The following PKNOX2 variants were observed in gnomAD, a reference collection of about 807,000 sequenced individuals.
The protein encoded by PKNOX2 is PBX/knotted 1 homeobox 2, also known as homeobox protein PKNOX2.
A neutral mutation model predicts 53.1 loss-of-function variants in PKNOX2; 14 were observed. The observed-to-expected ratio is 0.26, with a 90% CI of 0.17 to 0.41. The LOEUF (loss-of-function observed/expected upper bound fraction) is 0.41. Ranked by LOEUF, PKNOX2 falls within the 10% of genes least tolerant of loss-of-function variation. PKNOX2 has a pLI of 1.00. For missense variants in PKNOX2, 496 were observed against 602.8 expected, an observed-to-expected ratio of 0.82 and a Z score of 1.85; for synonymous variants, 257 against 242.8, an observed-to-expected ratio of 1.06 and a Z score of -0.54.
At chr11:125,193,146 ATTGGCTCTTTTCC>A (rs1418982944) in intron 1 of PKNOX2, among the ~76,000 whole-genome samples, 2 of 152,336 alleles carry the variant, frequency 1.3e-5, no homozygotes, top group East Asian at 1.9e-4. Context: ...AAGCTCTTAA[ATTGGCTCTTTTCC>A]CCCTCAAAAC....
At chr11:125,179,212 A>G (rs199799731) in intron 1 of PKNOX2, among the ~76,000 whole-genome samples, 1 of 152,160 alleles carries the variant, frequency 6.6e-6, no homozygotes, top group East Asian at 1.9e-4. Context: ...TGCCAGGGAT[A>G]TATAGGTGAG....
At chr11:125,216,506 C>T (rs555688669) in intron 1 of PKNOX2, among the ~76,000 whole-genome samples, 1 of 152,296 alleles carries the variant, frequency 6.6e-6, no homozygotes, top group East Asian at 1.9e-4. Context: ...GGCTGAGAAC[C>T]CAGCCTGCCC....
At chr11:125,405,690 C>T (rs1300389017) in intron 7 of PKNOX2, among the ~76,000 whole-genome samples, 6 of 152,166 alleles carry the variant, frequency 3.9e-5, no homozygotes, top group South Asian at 4.1e-4. Context: ...GGATGGTGCT[C>T]GGGAGGCACC....
intron 2 of PKNOX2, among the ~76,000 whole-genome samples, chr11:125,316,156 T>C (rs1488175679): frequency 1.3e-5 from 2 of 152,168 alleles, no homozygotes; most frequent in Non-Finnish European, 2.9e-5. Context: ...TGAGACCCAC[T>C]GTGAACCCCT....
intron 2 of PKNOX2, among the ~76,000 whole-genome samples, chr11:125,280,103 T>C (rs1194383388): frequency 2.9e-5 from 3 of 102,378 alleles, no homozygotes; most frequent in African/African-American, 2.1e-4. Flanking sequence ...TTTTTTTTCC[T>C]TTTTTTTTTT....
intron 1 of PKNOX2, chr11:125,191,044 G>A (rs1408650360): frequency 1.3e-5 from 2 of 152,144 alleles, no homozygotes; most frequent in Non-Finnish European, 2.9e-5. Flanking sequence ...ATTCCTTATG[G>A]CACCAAGTGC....
intron 4 of PKNOX2, among the ~76,000 whole-genome samples, chr11:125,361,989 C>T (rs1195694630): frequency 6.6e-6 from 1 of 152,196 alleles, no homozygotes; most frequent in Non-Finnish European, 1.5e-5. Flanking sequence ...ATGGGTTCCA[C>T]ATGGGAGAAC....
chr11:125,414,760 G>A (rs1404428001), intron 10 of PKNOX2, among the ~76,000 whole-genome samples: 1 of 145,176 alleles, frequency 6.9e-6, no homozygotes, highest in Admixed American at 6.8e-5. Context: ...AAAAAAAAAA[G>A]AAGCTAATAC....
At chr11:125,332,159 A>G (rs1321992369) in intron 3 of PKNOX2, among the ~76,000 whole-genome samples, 3 of 152,108 alleles carry the variant, frequency 2.0e-5, no homozygotes, top group African/African-American at 7.2e-5. Context: ...TGAACAATAA[A>G]TGGTTCTGTG....
At chr11:125,191,264 C>A (rs1375418988) in intron 1 of PKNOX2, 1 of 152,232 alleles carries the variant, frequency 6.6e-6, no homozygotes. Context: ...AAGAACAGAT[C>A]TTTTCATTCT....
chr11:125,409,669 C>T (rs562970456), intron 7 of PKNOX2, among the ~76,000 whole-genome samples: 38 of 152,098 alleles, frequency 2.5e-4, no homozygotes, highest in African/African-American at 9.2e-4. Context: ...AGCCGGGGGA[C>T]GGGAAAGCAT....
intron 1 of PKNOX2, among the ~76,000 whole-genome samples, chr11:125,187,570 G>T (rs912280039): frequency 3.9e-5 from 6 of 152,058 alleles, no homozygotes; most frequent in African/African-American, 1.4e-4. Flanking sequence ...TAACTTTCTT[G>T]TGGATTCTTT....
chr11:125,385,763 A>C (rs2135381044), intron 6 of PKNOX2, 41 bp downstream of exon 6: 1 of 1,571,002 alleles, frequency 6.4e-7, no homozygotes, highest in Non-Finnish European at 8.6e-7. Context: ...GAGTCTTCCT[A>C]CCCTCTGACC....
chr11:125,264,244 G>A (rs1332165332), intron 2 of PKNOX2, among the ~76,000 whole-genome samples: 2 of 152,182 alleles, frequency 1.3e-5, no homozygotes, highest in African/African-American at 4.8e-5. Context: ...AGGATGGGTA[G>A]AGGCAGAGGG....
chr11:125,375,763 G>A (rs1438011871), intron 5 of PKNOX2, among the ~76,000 whole-genome samples: 2 of 152,194 alleles, frequency 1.3e-5, no homozygotes, highest in African/African-American at 4.8e-5. Context: ...GGGACTGGCT[G>A]AATTTCTGGT....
chr11:125,286,891 C>T (rs1180904427), intron 2 of PKNOX2, among the ~76,000 whole-genome samples: 1 of 152,220 alleles, frequency 6.6e-6, no homozygotes, highest in African/African-American at 2.4e-5. Context: ...TGTGAGTGCG[C>T]AGGCAGCGTA....
At chr11:125,355,887 C>T (rs1482162498) in intron 4 of PKNOX2, among the ~76,000 whole-genome samples, 1 of 152,130 alleles carries the variant, frequency 6.6e-6, no homozygotes, top group African/African-American at 2.4e-5. Context: ...CCTGTAACAC[C>T]CATATGCAAC....
Position 125,352,239 on chromosome 11 carries a change from T to G in PKNOX2, c.87+847T>G, listed in dbSNP as rs554407980. ...TGTGTCTGTGCTTTCACAGAAGCCT[T>G]CATTCTCTGACCCTTCCCTTCACAC... is the stretch of plus-strand genomic sequence containing the variant. On this transcript the variant is annotated intron_variant, in intron 4 of 12. Coordinates refer to ENST00000298282, the MANE Select transcript of PKNOX2 (RefSeq NM_001382323.2). The surrounding 1 kb of genome is among the most constrained non-coding windows in gnomAD (Gnocchi z 4.1). 6.6e-6 allele frequency among the ~76,000 whole-genome samples: 1 copy of G among 152,320 alleles called. No homozygotes were observed. The highest frequency in any genetic ancestry group is 2.4e-5 in the African/African-American group (1 of 41,572).
intron 3 of PKNOX2, among the ~76,000 whole-genome samples, chr11:125,339,736 G>A (rs1305163382): frequency 1.3e-5 from 2 of 152,254 alleles, no homozygotes; most frequent in African/African-American, 2.4e-5. Context: ...AGCAGGGTGA[G>A]GCACAGACAG....
Sources: allele counts gnomAD v4.1 joint callset (sites outside exome capture counted in the v4.1 genomes callset), GRCh38; gene constraint gnomAD v4.1.1; non-coding constraint Gnocchi (gnomAD v3.1); transcripts MANE v1.5; gene names NCBI Gene and HGNC (gene_info 2026-07-23, HGNC 2026-07-21).